The following GALNT13 variants were observed in gnomAD, a reference collection of about 807,000 sequenced individuals.
GALNT13 encodes UDP-GalNAc:polypeptide N-acetylgalactosaminyltransferase 13.
GALNT13 carries 28 observed loss-of-function variants against 64.2 expected under a neutral mutation model. That is an observed-to-expected ratio of 0.44 (90% CI 0.32 to 0.60). GALNT13 has a LOEUF of 0.60. Ranked by LOEUF, GALNT13 falls within the 20% of genes least tolerant of loss-of-function variation. The pLI is 0.05. For synonymous variants in GALNT13, 214 were observed against 224.6 expected (o/e 0.95, Z 0.42); for missense variants, 577 against 669.8 (o/e 0.86, Z 1.53).
At chr2:153,425,267 C>T in the GALNT13 span, among the ~76,000 whole-genome samples, 5 of 151,638 alleles carry the variant, frequency 3.3e-5, no homozygotes, top group African/African-American at 1.2e-4. Context: ...TTAATATCTC[C>T]TGGGCATCAA....
intron 3 of GALNT13, among the ~76,000 whole-genome samples, chr2:154,080,438 A>G (rs1347111677): frequency 6.6e-6 from 1 of 151,694 alleles, no homozygotes; most frequent in East Asian, 1.9e-4. Flanking sequence ...AATAAGAAAA[A>G]CTTGAAATGC....
the GALNT13 span, among the ~76,000 whole-genome samples, chr2:153,677,302 C>T: frequency 1.3e-5 from 2 of 151,110 alleles, no homozygotes; most frequent in African/African-American, 2.4e-5. Context: ...CACACACACA[C>T]ACACACACAC....
intron 9 of GALNT13, among the ~76,000 whole-genome samples, chr2:154,337,245 C>G (rs892211409): frequency 6.6e-6 from 1 of 151,972 alleles, no homozygotes; most frequent in Non-Finnish European, 1.5e-5. Flanking sequence ...ACCAAGTAAA[C>G]TTAAAATGTG....
intron 3 of GALNT13, among the ~76,000 whole-genome samples, chr2:153,961,197 G>C (rs902499984): frequency 2.0e-5 from 3 of 152,110 alleles, no homozygotes; most frequent in Non-Finnish European, 2.9e-5. Flanking sequence ...GATAGAAAGA[G>C]GAAGAATACA....
chr2:153,131,861 A>G, the GALNT13 span, among the ~76,000 whole-genome samples: 16,496 of 152,012 alleles, frequency 0.11, 960 homozygotes, highest in African/African-American at 0.13. Flanking sequence ...GAGTGACTTC[A>G]TGAGTATTTT....
chr2:153,601,716 T>C, the GALNT13 span, among the ~76,000 whole-genome samples: 3 of 151,840 alleles, frequency 2.0e-5, no homozygotes, highest in Non-Finnish European at 2.9e-5. Context: ...AAATGTTATG[T>C]ATATCTAGGC....
chr2:153,635,445 C>CATATATATGTATATATATATATACAT, the GALNT13 span, among the ~76,000 whole-genome samples: 12 of 132,410 alleles, frequency 9.1e-5, 1 homozygote, highest in South Asian at 2.4e-4. Context: ...TATATACACA[C>CATATATATGTATATATATATATACAT]ATATATATGT....
chr2:154,316,965 C>A (rs1234401174), intron 9 of GALNT13, among the ~76,000 whole-genome samples: 1 of 152,168 alleles, frequency 6.6e-6, no homozygotes, highest in Non-Finnish European at 1.5e-5. Flanking sequence ...GTAATCCCAG[C>A]ACTTTGGGAG....
At chr2:153,898,711 A>G (rs2105286504) in intron 1 of GALNT13, among the ~76,000 whole-genome samples, 1 of 152,200 alleles carries the variant, frequency 6.6e-6, no homozygotes, top group South Asian at 2.1e-4. Flanking sequence ...AAATTTTAAA[A>G]CATATATAGA....
At chr2:154,430,871 G>A (rs1264255949) in intron 11 of GALNT13, among the ~76,000 whole-genome samples, 5 of 152,006 alleles carry the variant, frequency 3.3e-5, no homozygotes, top group Non-Finnish European at 5.9e-5. Flanking sequence ...ACCACTCACC[G>A]AAGGCTAGGA....
At chr2:153,126,724 C>T in the GALNT13 span, among the ~76,000 whole-genome samples, 1 of 152,118 alleles carries the variant, frequency 6.6e-6, no homozygotes, top group African/African-American at 2.4e-5. Flanking sequence ...CATTTAGAAC[C>T]TCTTGAAGTT....
intron 2 of GALNT13, among the ~76,000 whole-genome samples, chr2:153,932,783 A>T (rs1325227870): frequency 1.3e-5 from 2 of 151,590 alleles, no homozygotes; most frequent in African/African-American, 4.8e-5. Context: ...GCCTGCCACC[A>T]CGCCTGGCTA....
At position 154,036,927 on chromosome 2, in the gene GALNT13, G is replaced by C. The variant is rs892754166; in HGVS notation, c.142+92288G>C. On this transcript the variant is annotated intron_variant, in intron 3 of 12. Transcript: ENST00000392825. Reference sequence around the variant, plus strand: ...GTATTTAAAAAAAATCTCCCCAAGTGATCCTAATATGCAGTAAAATCTGAA... The same window carrying C: ...GTATTTAAAAAAAATCTCCCCAAGTCATCCTAATATGCAGTAAAATCTGAA... Among the ~76,000 whole-genome samples the C allele has an allele frequency of 8.5e-5, 13 of 152,116 alleles. No homozygotes were observed. The South Asian group carries it at 2.7e-3, about 32-fold the overall frequency.
chr2:154,024,654 C>T (rs537786278), intron 3 of GALNT13, among the ~76,000 whole-genome samples: 13 of 152,108 alleles, frequency 8.5e-5, no homozygotes, highest in East Asian at 1.9e-4. Flanking sequence ...TCCTGTAGCT[C>T]GGAGTAGTTT....
the GALNT13 span, among the ~76,000 whole-genome samples, chr2:153,661,803 T>A: frequency 6.6e-6 from 1 of 152,192 alleles, no homozygotes; most frequent in South Asian, 2.1e-4. Context: ...TATTTGTTCA[T>A]GGTGTGCATA....
At chr2:153,693,578 G>A in the GALNT13 span, among the ~76,000 whole-genome samples, 2 of 152,124 alleles carry the variant, frequency 1.3e-5, no homozygotes, top group African/African-American at 4.8e-5. Flanking sequence ...AATAGAATGC[G>A]TGGCCTGTAC....
chr2:153,741,362 C>A, the GALNT13 span, among the ~76,000 whole-genome samples: 1 of 151,954 alleles, frequency 6.6e-6, no homozygotes, highest in Admixed American at 6.6e-5. Context: ...TCTTTCATAT[C>A]TGTCTTTTCC....
chr2:153,550,669 C>A, the GALNT13 span, among the ~76,000 whole-genome samples: 1 of 152,238 alleles, frequency 6.6e-6, no homozygotes, highest in Admixed American at 6.5e-5. Flanking sequence ...GTATAATGAA[C>A]CATATTTTAC....
At chr2:154,172,788 G>GA (rs977921195) in intron 4 of GALNT13, among the ~76,000 whole-genome samples, 8 of 151,434 alleles carry the variant, frequency 5.3e-5, no homozygotes, top group African/African-American at 1.7e-4. Flanking sequence ...ATCTATACAA[G>GA]AAAAAACTAT....
Sources: gnomAD v4.1 joint callset for allele counts (sites outside exome capture counted in the v4.1 genomes callset) on GRCh38, gnomAD v4.1.1 for gene constraint, MANE v1.5 for transcripts, NCBI Gene and HGNC (gene_info 2026-07-23, HGNC 2026-07-21) for gene names.